DEUP1: variants seen among roughly 807,000 people sequenced by gnomAD.
DEUP1 encodes deuterosome assembly protein 1, also known as coiled-coil domain containing 67.
In DEUP1, 82 loss-of-function variants were observed where a neutral mutation model predicts 87.4. The ratio of observed to expected loss-of-function variants is 0.94; its 90% CI spans 0.78 to 1.13. The LOEUF (loss-of-function observed/expected upper bound fraction) is 1.13. Ranked by LOEUF, DEUP1 falls within the 50% of genes most tolerant of loss-of-function variation. The pLI is 0.00. For missense variants in DEUP1, 663 were observed against 681.5 expected (o/e 0.97, Z 0.30); for synonymous variants, 214 against 222.7 (o/e 0.96, Z 0.35).
At chr11:93,377,802 T>A (rs546464750) in intron 7 of DEUP1, among the ~76,000 whole-genome samples, 1 of 152,324 alleles carries the variant, frequency 6.6e-6, no homozygotes, top group South Asian at 2.1e-4. Context: ...GGCTTGGTAG[T>A]GGTGAATTCT....
chr11:93,411,186 C>G (rs1231557467), intron 12 of DEUP1: 1 of 152,118 alleles, frequency 6.6e-6, no homozygotes, highest in Non-Finnish European at 1.5e-5. Context: ...TTTTCCCTCA[C>G]AACACAGCTC....
intron 7 of DEUP1, among the ~76,000 whole-genome samples, chr11:93,382,201 C>T (rs1452179652): frequency 6.6e-6 from 1 of 152,140 alleles, no homozygotes; most frequent in Non-Finnish European, 1.5e-5. Flanking sequence ...AACTACATCT[C>T]AGTTAAATCA....
chr11:93,411,328 A>G (rs1437760312), intron 12 of DEUP1: 1 of 152,232 alleles, frequency 6.6e-6, no homozygotes, highest in Non-Finnish European at 1.5e-5. Context: ...GGAAGGAAAA[A>G]GCATTTAGAT....
In DEUP1 at chr11:93,355,408, G is replaced by A. The variant is rs1174642017; in HGVS notation, c.67G>A (p.Glu23Lys). The A allele has an allele frequency of 4.3e-6, 7 of 1,613,610 alleles. No homozygotes were observed. The highest frequency in any genetic ancestry group is 1.3e-5 in the African/African-American group (1 of 75,002). Reference sequence around the variant, plus strand: ...TGAGGCTGAGCTTCAGGAATTAATGGAACAAATTGACATCATGGTAAGCAA... The same window carrying A: ...TGAGGCTGAGCTTCAGGAATTAATGAAACAAATTGACATCATGGTAAGCAA... ...PCEAELQELM[E>K]QIDIMVSNKK... Residue 23 changes from glutamate to lysine, a missense_variant, in exon 3 of 14, where the codon GAA (glutamate) becomes AAA (lysine). Coordinates refer to ENST00000298050, the MANE Select transcript of DEUP1 (RefSeq NM_181645.4).
intron 2 of DEUP1, among the ~76,000 whole-genome samples, chr11:93,354,640 A>G (rs1944793944): frequency 6.6e-6 from 1 of 152,192 alleles, no homozygotes; most frequent in South Asian, 2.1e-4. Flanking sequence ...AGCACTTCTT[A>G]TATGATGGAG....
intron 12 of DEUP1, among the ~76,000 whole-genome samples, chr11:93,412,078 G>A (rs1947450829): frequency 6.6e-6 from 1 of 152,152 alleles, no homozygotes; most frequent in Non-Finnish European, 1.5e-5. Flanking sequence ...AGTGTTGGAA[G>A]GTGAGGCTGG....
intron 2 of DEUP1, among the ~76,000 whole-genome samples, chr11:93,354,584 G>A (rs902517938): frequency 2.0e-4 from 30 of 152,178 alleles, no homozygotes; most frequent in Non-Finnish European, 4.3e-4. Context: ...TGGACTTACA[G>A]TTCCACATGG....
intron 10 of DEUP1, 30 bp downstream of exon 10, chr11:93,394,686 T>A: frequency 6.6e-7 from 1 of 1,509,444 alleles, no homozygotes; most frequent in Non-Finnish European, 9.1e-7. Context: ...AGCACTTGTC[T>A]AGGGCACATT....
chr11:93,330,535 C>T (rs972932725), upstream of DEUP1: 9 of 152,576 alleles, frequency 5.9e-5, no homozygotes, highest in South Asian at 6.2e-4. Flanking sequence ...GCGCCCATCC[C>T]CCACTCCGAC....
At chr11:93,400,422 C>CACCCTGTACT (rs1424149738) in intron 11 of DEUP1, among the ~76,000 whole-genome samples, 2 of 152,100 alleles carry the variant, frequency 1.3e-5, no homozygotes, top group Admixed American at 6.6e-5. Context: ...CTCCCTGTAC[C>CACCCTGTACT]ACTGTCTTCT....
chr11:93,344,989 C>G (rs1185450307), intron 2 of DEUP1, among the ~76,000 whole-genome samples: 1 of 151,850 alleles, frequency 6.6e-6, no homozygotes, highest in East Asian at 1.9e-4. Flanking sequence ...AGTTATTTTT[C>G]CTGAGGCTTT....
At position 93,332,302 on chromosome 11, in the gene DEUP1, A is replaced by C; in HGVS notation, c.29+14A>C. 6.2e-7 allele frequency: 1 copy of C among 1,602,818 alleles called. No individual in the cohort carries two copies. The highest frequency in any genetic ancestry group is 8.5e-7 in the Non-Finnish European group (1 of 1,173,284). On this transcript the variant is annotated intron_variant, in intron 2 of 13. Coordinates refer to ENST00000298050, the MANE Select transcript of DEUP1 (RefSeq NM_181645.4). ...TAATACGATGGGGTAAGTGCTGAGA[A>C]ATTTCTGTTTAATAAGTATGTGCTT...
intron 2 of DEUP1, among the ~76,000 whole-genome samples, chr11:93,352,826 C>T (rs1279097658): frequency 6.6e-6 from 1 of 152,056 alleles, no homozygotes; most frequent in Admixed American, 6.6e-5. Flanking sequence ...AAGACTAGCC[C>T]CCATGATTCA....
At chr11:93,343,606 T>C (rs766810679) in intron 2 of DEUP1, among the ~76,000 whole-genome samples, 66 of 152,294 alleles carry the variant, frequency 4.3e-4, no homozygotes, top group Middle Eastern at 3.4e-3. Flanking sequence ...AGGGGTTACT[T>C]AGAATGTGAG....
At chr11:93,363,235 G>A (rs189575192) in intron 4 of DEUP1, among the ~76,000 whole-genome samples, 19 of 151,986 alleles carry the variant, frequency 1.3e-4, no homozygotes, top group Admixed American at 1.0e-3. Flanking sequence ...AGGGGACTAA[G>A]TGTGATTCTA....
At chr11:93,435,522 G>A (rs183654060) in intron 13 of DEUP1, among the ~76,000 whole-genome samples, 3 of 152,210 alleles carry the variant, frequency 2.0e-5, no homozygotes, top group East Asian at 3.9e-4. Flanking sequence ...GAATCTTAAG[G>A]GTCTGCAACA....
rs769955257 is a variant in DEUP1 at position 93,355,375 on chromosome 11, TCTC to T, written c.37_39del (p.Pro13del). 6.2e-7 allele frequency: 1 copy of T among 1,612,492 alleles called. No homozygotes were observed. Among genetic ancestry groups the T allele is most frequent in the South Asian group, 1.1e-5 (1 of 90,806 alleles). On this transcript the variant is annotated inframe_deletion, in exon 3 of 14. Transcript: ENST00000298050. ...TTACTTTCCTACAATTGCCAGAACTTCTCCTTGTGAGGCTGAGCTTCAGGAATT... is the reference window on the plus strand; with the variant it reads ...TTACTTTCCTACAATTGCCAGAACTTCTTGTGAGGCTGAGCTTCAGGAATT...
intron 11 of DEUP1, among the ~76,000 whole-genome samples, chr11:93,400,659 T>C (rs868694062): frequency 1.4e-4 from 22 of 152,134 alleles, no homozygotes; most frequent in African/African-American, 4.8e-4. Flanking sequence ...AATAGCCATA[T>C]TTTAGGAATT....
intron 13 of DEUP1, among the ~76,000 whole-genome samples, chr11:93,416,514 A>C (rs374432427): frequency 1.1e-4 from 17 of 151,884 alleles, no homozygotes; most frequent in African/African-American, 3.4e-4. Flanking sequence ...CAATAACAGG[A>C]TCTGAAATTG....
Sources: gnomAD v4.1 joint callset for allele counts (sites outside exome capture counted in the v4.1 genomes callset) on GRCh38, gnomAD v4.1.1 for gene constraint, MANE v1.5 for transcripts, NCBI Gene and HGNC (gene_info 2026-07-23, HGNC 2026-07-21) for gene names.